Variants in WWC2 observed in about 807,000 individuals in gnomAD.
WWC2 encodes protein WWC2.
Under a neutral mutation model 138.5 loss-of-function variants are expected in WWC2, and 101 were observed. The observed-to-expected ratio is 0.73, with a 90% CI of 0.62 to 0.86. WWC2 has a LOEUF of 0.86. WWC2 is among the 40% of genes least tolerant of loss of function. The pLI is 0.00. For missense variants in WWC2, 1,420 were observed against 1,419.4 expected, an observed-to-expected ratio of 1.00 and a Z score of -0.01; for synonymous variants, 558 against 538.4, an observed-to-expected ratio of 1.04 and a Z score of -0.50.
intron 1 of WWC2, among the ~76,000 whole-genome samples, chr4:183,125,207 C>T (rs539263602): frequency 2.0e-5 from 3 of 152,208 alleles, no homozygotes; most frequent in South Asian, 2.1e-4. Context: ...GGTCCATCCT[C>T]GATTTTTACA....
chr4:183,168,470 G>T (rs1350626010), intron 1 of WWC2, among the ~76,000 whole-genome samples: 1 of 152,194 alleles, frequency 6.6e-6, no homozygotes. Context: ...CAATCAGACA[G>T]ATTGTTAAAT....
chr4:183,107,082 C>G (rs1395941805), intron 1 of WWC2, among the ~76,000 whole-genome samples: 1 of 152,078 alleles, frequency 6.6e-6, no homozygotes, highest in East Asian at 1.9e-4. Flanking sequence ...CAACACTTCT[C>G]TCTCTTTCTC....
chr4:183,287,159 T>G (rs1004125901), intron 20 of WWC2, among the ~76,000 whole-genome samples: 3 of 152,182 alleles, frequency 2.0e-5, no homozygotes, highest in Admixed American at 6.5e-5. Context: ...GAGTAAGAGA[T>G]GCCTGGCCAG....
chr4:183,259,503 G>A (rs1737256612), intron 9 of WWC2, 136 bp from the exon 10 acceptor site: 1 of 673,216 alleles, frequency 1.5e-6, no homozygotes, highest in Non-Finnish European at 2.5e-6. Flanking sequence ...TCTTGCCGGT[G>A]TCCTGTTTTC....
intron 4 of WWC2, among the ~76,000 whole-genome samples, chr4:183,223,976 C>A (rs1010304757): frequency 6.6e-6 from 1 of 152,178 alleles, no homozygotes; most frequent in Non-Finnish European, 1.5e-5. Context: ...GGCTATCCCC[C>A]CCACCTCGGC....
chr4:183,283,036 G>A (rs1483097315), intron 18 of WWC2, 130 bp downstream of exon 18: 11 of 907,840 alleles, frequency 1.2e-5, no homozygotes, highest in Non-Finnish European at 1.7e-5. Flanking sequence ...ATCGTGAAAG[G>A]CATATGTGGG....
At chr4:183,220,127 G>C (rs538795455) in intron 4 of WWC2, among the ~76,000 whole-genome samples, 1 of 152,262 alleles carries the variant, frequency 6.6e-6, no homozygotes, top group African/African-American at 2.4e-5. Flanking sequence ...AGGAATACAA[G>C]TCTCAGTCCT....
intron 1 of WWC2, among the ~76,000 whole-genome samples, chr4:183,111,431 C>T (rs1732227276): frequency 6.6e-6 from 1 of 152,128 alleles, no homozygotes; most frequent in South Asian, 2.1e-4. Context: ...AAACTTGAAT[C>T]TACTCTGCAG....
intron 1 of WWC2, among the ~76,000 whole-genome samples, chr4:183,139,399 C>A (rs1264097305): frequency 6.6e-6 from 1 of 152,066 alleles, no homozygotes; most frequent in East Asian, 1.9e-4. Flanking sequence ...TCTAGTGGGC[C>A]CCCTCATCCA....
chr4:183,240,348 G>C, intron 5 of WWC2, 86 bp downstream of exon 5: 1 of 1,070,360 alleles, frequency 9.3e-7, no homozygotes, highest in Non-Finnish European at 1.3e-6. Context: ...GATTACATAA[G>C]CGATTTCTTA....
chr4:183,264,485 A>T (rs892937079), intron 11 of WWC2, among the ~76,000 whole-genome samples: 1 of 152,170 alleles, frequency 6.6e-6, no homozygotes, highest in Non-Finnish European at 1.5e-5. Flanking sequence ...TGAGTCAAAG[A>T]CATTTTTTCT....
chr4:183,247,168 A>C (rs1464024434), intron 6 of WWC2, among the ~76,000 whole-genome samples: 1 of 152,160 alleles, frequency 6.6e-6, no homozygotes, highest in Non-Finnish European at 1.5e-5. Flanking sequence ...ACCTATAGAT[A>C]CACAGGTGTG....
intron 4 of WWC2, among the ~76,000 whole-genome samples, chr4:183,209,255 GTTTGTTTTTTTGAGATGAAGTC>G (rs1425123237): frequency 4.6e-5 from 7 of 152,190 alleles, no homozygotes; most frequent in Non-Finnish European, 5.9e-5. Flanking sequence ...TTGTTTGTTT[GTTTGTTTTTTTGAGATGAAGTC>G]TCACTCTGTC....
chr4:183,243,429 A>G (rs1736676129), intron 5 of WWC2, among the ~76,000 whole-genome samples: 2 of 152,224 alleles, frequency 1.3e-5, no homozygotes, highest in South Asian at 4.1e-4. Flanking sequence ...TGTTTTATTT[A>G]GTAAGCCATT....
At chr4:183,199,910 TTAA>T (rs1245043306) in intron 2 of WWC2, among the ~76,000 whole-genome samples, 8 of 152,312 alleles carry the variant, frequency 5.3e-5, no homozygotes, top group African/African-American at 1.9e-4. Context: ...CCACTGGGTC[TTAA>T]TAAAAAATAC....
At chr4:183,276,978 A>G (rs979413578) in intron 16 of WWC2, among the ~76,000 whole-genome samples, 2 of 145,830 alleles carry the variant, frequency 1.4e-5, no homozygotes, top group South Asian at 2.1e-4. Flanking sequence ...CTTTTTTATT[A>G]TTATTATTAT....
At chr4:183,189,411 T>C (rs1462218780) in intron 1 of WWC2, among the ~76,000 whole-genome samples, 2 of 149,618 alleles carry the variant, frequency 1.3e-5, no homozygotes, top group Non-Finnish European at 3.0e-5. Flanking sequence ...CACTGTGGCC[T>C]GGGTGATAGA....
chr4:183,250,593 G>A (rs146146396), intron 8 of WWC2, among the ~76,000 whole-genome samples: 12 of 151,590 alleles, frequency 7.9e-5, no homozygotes, highest in Middle Eastern at 3.4e-3. Flanking sequence ...AGAAACTTCC[G>A]TCTCAACAAC....
In WWC2 at chr4:183,282,775, G is replaced by C. The variant is rs1271450496; in HGVS notation, c.2752G>C (p.Glu918Gln). 1 of 1,581,854 alleles carries C rather than the reference G, an allele frequency of 6.3e-7. No homozygotes were observed. The highest frequency in any genetic ancestry group is 8.6e-7 in the Non-Finnish European group (1 of 1,163,342). Reference protein sequence around the residue: ...AEKEAEVKLPEDSSCTEDLSS... With the variant: ...AEKEAEVKLPQDSSCTEDLSS... The stretch of plus-strand genomic sequence containing the variant: ...AAAAGAGGCTGAAGTTAAATTGCCA[G>C]AGGACAGTAGCTGTACAGAAGATTT... The change falls in exon 18 of 23, where the codon GAG (glutamate) becomes CAG (glutamine). Residue 918 changes from glutamate to glutamine, a missense_variant. Transcript: ENST00000403733.
Sources: allele counts gnomAD v4.1 joint callset (sites outside exome capture counted in the v4.1 genomes callset), GRCh38; gene constraint gnomAD v4.1.1; transcripts MANE v1.5; gene names NCBI Gene and HGNC (gene_info 2026-07-23, HGNC 2026-07-21).